The following NHSL2 variants were observed in gnomAD, a reference collection of about 807,000 sequenced individuals.
The protein encoded by NHSL2 is NHS like 2, also known as NHS-like protein 2.
A neutral mutation model predicts 53.4 loss-of-function variants in NHSL2; 27 were observed. The observed-to-expected ratio is 0.51, with a 90% CI of 0.37 to 0.70. The LOEUF (loss-of-function observed/expected upper bound fraction) is 0.70, where lower values mean the gene tolerates loss of function less well. NHSL2 is among the 30% of genes least tolerant of loss of function. The probability of loss-of-function intolerance (pLI) is 0.00; values close to 1 mark genes in which losing one functional copy is unlikely to be tolerated. For missense variants in NHSL2, 892 were observed against 980.1 expected, an observed-to-expected ratio of 0.91 and a Z score of 1.20; for synonymous variants, 408 against 404.1, an observed-to-expected ratio of 1.01 and a Z score of -0.12.
intron 1 of NHSL2, among the ~76,000 whole-genome samples, chrX:72,052,082 A>T (rs891898148): frequency 4.5e-5 from 5 of 112,257 alleles, no homozygotes; most frequent in Non-Finnish European, 9.4e-5. Flanking sequence ...ACCAAAATGG[A>T]TCTCGTTTTC....
At position 72,120,526 on chromosome X, in the gene NHSL2, G is replaced by A. The variant is rs756328874; in HGVS notation, c.281-11553G>A. Among the ~76,000 whole-genome samples the A allele has an allele frequency of 5.6e-4, 63 of 111,578 alleles. 1 individual carries two copies. The South Asian group carries it at 0.023, about 40-fold the overall frequency. ...TTATAATCCCTTTTGTTTCTGTAAG[G>A]GTGATTATAATGTCCCCTCATTTAC... On this transcript the variant is annotated intron_variant, in intron 1 of 7. Coordinates refer to ENST00000633930, the MANE Select transcript of NHSL2 (RefSeq NM_001013627.3).
chrX:72,149,684 C>T lies in NHSL2; in HGVS notation c.*6110C>T, dbSNP rs2042496230. The T allele has an allele frequency of 8.9e-6, 1 of 112,178 alleles. No homozygotes were observed. The highest frequency in any genetic ancestry group is 1.9e-5 in the Non-Finnish European group (1 of 53,269). The allele number at this position is 112,178 out of a possible 1,213,427, so 9.2% of individuals were successfully genotyped here. On this transcript the variant is annotated 3_prime_UTR_variant, in exon 8 of 8. Coordinates refer to ENST00000633930, the MANE Select transcript of NHSL2 (RefSeq NM_001013627.3). Reference sequence around the variant, plus strand: ...CATTTTTAAATGAGATATATTTACCCTGGCTAGTGGTTAAAGTTTTATTCT... The same window carrying T: ...CATTTTTAAATGAGATATATTTACCTTGGCTAGTGGTTAAAGTTTTATTCT...
chrX:72,050,573 G>A (rs778988217), intron 1 of NHSL2, among the ~76,000 whole-genome samples: 11 of 112,008 alleles, frequency 9.8e-5, no homozygotes, highest in Non-Finnish European at 1.7e-4. Flanking sequence ...TTTGCGTCAT[G>A]TTTGCCAGCA....
chrX:71,964,001 A>ATATATGTGTG lies in NHSL2; in HGVS notation c.280+52639_280+52640insGTGTGTATAT, dbSNP rs1569467073. 2.3e-3 allele frequency among the ~76,000 whole-genome samples: 18 copies of ATATATGTGTG among 7,764 alleles called. No homozygotes were observed. The East Asian group carries it at 0.074, about 32-fold the overall frequency. The allele number at this position is 7,764 out of a possible 115,157, so 6.7% of individuals were successfully genotyped here. On this transcript the variant is annotated intron_variant, in intron 1 of 7. Transcript: ENST00000633930. Reference sequence around the variant, plus strand: ...TATATATATATATATATGTATATACATATATATATGTATATATATATATGT... The same window carrying ATATATGTGTG: ...TATATATATATATATATGTATATACATATATGTGTGTATATATATGTATATATATATATGT...
intron 1 of NHSL2, among the ~76,000 whole-genome samples, chrX:72,001,696 T>A (rs1310092033): frequency 8.9e-6 from 1 of 111,826 alleles, no homozygotes; most frequent in Non-Finnish European, 1.9e-5. Context: ...GAGCTCTGAC[T>A]ACAACATTCT....
chrX:72,144,214 A>G lies in NHSL2; in HGVS notation c.*640A>G, dbSNP rs6525579. 47,058 of 147,431 alleles carry G rather than the reference A, an allele frequency of 0.32. 6,590 individuals carry two copies. Among genetic ancestry groups the G allele is most frequent in the East Asian group, 0.79 (3,470 of 4,377 alleles). 12.1% of individuals were successfully genotyped at this position (147,431 alleles called of 1,213,427 possible). ...TGCCTTTTTCAGTTTGATTGTCTAC[A>G]TGGAGATCAGGGTGATAAGTTTCAA... is the stretch of plus-strand genomic sequence containing the variant. On this transcript the variant is annotated 3_prime_UTR_variant, in exon 8 of 8. Coordinates refer to ENST00000633930, the MANE Select transcript of NHSL2 (RefSeq NM_001013627.3).
intron 1 of NHSL2, among the ~76,000 whole-genome samples, chrX:71,977,705 G>A (rs920167360): frequency 2.7e-5 from 3 of 111,700 alleles, no homozygotes; most frequent in Admixed American, 9.5e-5. Context: ...GAGCCACCGC[G>A]CCTGTCTGGT....
chrX:71,931,943 G>C (rs914067862), intron 1 of NHSL2, among the ~76,000 whole-genome samples: 1 of 112,022 alleles, frequency 8.9e-6, no homozygotes, highest in South Asian at 3.7e-4. Flanking sequence ...TTTTTGCCCA[G>C]CTGTTTACTG....
intron 1 of NHSL2, among the ~76,000 whole-genome samples, chrX:72,056,336 C>A (rs1239310722): frequency 1.8e-5 from 2 of 111,662 alleles, no homozygotes; most frequent in Non-Finnish European, 3.8e-5. Context: ...TCTGTGTTCC[C>A]TACAGTAGGT....
At chrX:72,106,968 G>C (rs190301125) in intron 1 of NHSL2, among the ~76,000 whole-genome samples, 1,577 of 105,769 alleles carry the variant, frequency 0.015, 54 homozygotes, top group African/African-American at 0.053. Context: ...TTGTCGGGGG[G>C]TGGGGGCTGG....
chrX:72,101,199 G>T (rs1485503252), intron 1 of NHSL2, among the ~76,000 whole-genome samples: 1 of 110,966 alleles, frequency 9.0e-6, no homozygotes, highest in Non-Finnish European at 1.9e-5. Context: ...GCTCCTGGGC[G>T]GCAGTGGTGA....
intron 1 of NHSL2, among the ~76,000 whole-genome samples, chrX:71,938,774 G>C (rs753892060): frequency 8.8e-6 from 1 of 112,998 alleles, no homozygotes; most frequent in Non-Finnish European, 1.9e-5. Flanking sequence ...GAAGGTATGA[G>C]CTGATAGCTC....
intron 1 of NHSL2, among the ~76,000 whole-genome samples, chrX:71,992,456 T>C (rs1054135988): frequency 1.8e-5 from 2 of 111,744 alleles, no homozygotes; most frequent in Admixed American, 9.4e-5. Flanking sequence ...GGGAGCTTCC[T>C]GGGGGAAAAA....
chrX:72,081,651 C>T (rs933508684), intron 1 of NHSL2, among the ~76,000 whole-genome samples: 2 of 111,984 alleles, frequency 1.8e-5, no homozygotes, highest in Non-Finnish European at 3.8e-5. Flanking sequence ...AAAAAACAGA[C>T]GCAGCTGCTC....
chrX:71,979,548 A>G (rs1169082412), intron 1 of NHSL2, among the ~76,000 whole-genome samples: 1 of 112,746 alleles, frequency 8.9e-6, no homozygotes, highest in Non-Finnish European at 1.9e-5. Context: ...TGTTGGCTGC[A>G]TAAATGTCTT....
intron 1 of NHSL2, among the ~76,000 whole-genome samples, chrX:71,978,996 G>C (rs1424955073): frequency 9.9e-6 from 1 of 100,511 alleles, no homozygotes; most frequent in Non-Finnish European, 2.0e-5. Flanking sequence ...CCACCTATGA[G>C]TGAGAACATG....
intron 1 of NHSL2, among the ~76,000 whole-genome samples, chrX:72,086,347 G>A (rs1304420157): frequency 8.9e-6 from 1 of 111,842 alleles, no homozygotes; most frequent in Non-Finnish European, 1.9e-5. Context: ...AGTAAGTAAT[G>A]GGGGTCACAG....
intron 1 of NHSL2, among the ~76,000 whole-genome samples, chrX:71,957,879 C>T (rs1462210282): frequency 4.5e-5 from 5 of 111,625 alleles, no homozygotes; most frequent in Non-Finnish European, 9.4e-5. Flanking sequence ...AGGGATAAGA[C>T]AAGCACATAA....
chrX:72,052,277 C>T (rs1175140439), intron 1 of NHSL2, among the ~76,000 whole-genome samples: 2 of 112,248 alleles, frequency 1.8e-5, no homozygotes, highest in East Asian at 5.6e-4. Flanking sequence ...CTCAGTCCTC[C>T]GAGGCACACC....
Sources: gnomAD v4.1 joint callset for allele counts (sites outside exome capture counted in the v4.1 genomes callset) on GRCh38, gnomAD v4.1.1 for gene constraint, MANE v1.5 for transcripts, NCBI Gene and HGNC (gene_info 2026-07-23, HGNC 2026-07-21) for gene names.